The following STK17A variants were observed in gnomAD, a reference collection of about 807,000 sequenced individuals.
STK17A encodes serine/threonine-protein kinase 17A.
STK17A carries 26 observed loss-of-function variants against 43.7 expected under a neutral mutation model. The ratio of observed to expected loss-of-function variants is 0.60; its 90% CI spans 0.44 to 0.83. The LOEUF is 0.83. Among genes scored for constraint, STK17A ranks in the 40% least tolerant of loss-of-function variants. The probability of loss-of-function intolerance (pLI) is 0.00; values close to 1 mark genes in which losing one functional copy is unlikely to be tolerated. For synonymous variants in STK17A, 191 were observed against 182.5 expected (o/e 1.05, Z -0.38); for missense variants, 476 against 511.6 (o/e 0.93, Z 0.67).
intron 3 of STK17A, among the ~76,000 whole-genome samples, chr7:43,616,180 A>G (rs1197168248): frequency 6.6e-6 from 1 of 152,180 alleles, no homozygotes; most frequent in Non-Finnish European, 1.5e-5. Flanking sequence ...GTAATTTTCC[A>G]GGGCAGAATT....
At chr7:43,619,218 A>G (rs1359674735) in intron 3 of STK17A, among the ~76,000 whole-genome samples, 2 of 152,248 alleles carry the variant, frequency 1.3e-5, no homozygotes, top group Non-Finnish European at 2.9e-5. Context: ...GAAGAGATTT[A>G]GTTGCACTGA....
intron 1 of STK17A, among the ~76,000 whole-genome samples, chr7:43,594,887 A>AAAG (rs1554478541): frequency 6.0e-5 from 9 of 149,892 alleles, no homozygotes; most frequent in Non-Finnish European, 1.0e-4. Flanking sequence ...AAAAAAAAAA[A>AAAG]AAAGAAAGAA....
intron 3 of STK17A, among the ~76,000 whole-genome samples, chr7:43,609,923 C>G (rs1023700412): frequency 1.3e-5 from 2 of 152,192 alleles, no homozygotes; most frequent in Non-Finnish European, 2.9e-5. Flanking sequence ...GTTCTCTGAC[C>G]CAGACATGAA....
intron 4 of STK17A, among the ~76,000 whole-genome samples, chr7:43,622,031 C>T (rs960302600): frequency 2.6e-5 from 4 of 152,072 alleles, no homozygotes; most frequent in Admixed American, 2.0e-4. Context: ...GTAATAGTAC[C>T]GACCTCATAG....
intron 2 of STK17A, among the ~76,000 whole-genome samples, chr7:43,604,992 T>C (rs148688252): frequency 7.4e-4 from 113 of 152,338 alleles, no homozygotes; most frequent in Non-Finnish European, 1.6e-3. Context: ...GGTTTTTCAT[T>C]TGAGATACTG....
At chr7:43,584,174 G>A (rs374842053) in intron 1 of STK17A, among the ~76,000 whole-genome samples, 1 of 152,148 alleles carries the variant, frequency 6.6e-6, no homozygotes, top group Admixed American at 6.5e-5. Context: ...AAAGTTGCAG[G>A]TGCAGGCTGT....
chr7:43,595,956 G>C lies in STK17A; in HGVS notation c.262G>C (p.Ala88Pro), dbSNP rs1482445748. 2 of 1,613,872 alleles carry C rather than the reference G, an allele frequency of 1.2e-6. No homozygotes were observed. The highest frequency in any genetic ancestry group is 1.7e-6 in the Non-Finnish European group (2 of 1,179,902). Reference sequence around the variant, plus strand: ...AAAGAAAGATTCTGGGAAAGAATTTGCTGCAAAGTTCATGAGAAAAAGAAG... The same window carrying C: ...AAAGAAAGATTCTGGGAAAGAATTTCCTGCAAAGTTCATGAGAAAAAGAAG... ...CIKKDSGKEF[A>P]AKFMRKRRKG... The change falls in exon 2 of 7, where the codon GCT becomes CCT. Residue 88 changes from alanine to proline, a missense_variant. Ala to Pro is a conservative substitution (Grantham distance 27, BLOSUM62 -1). Coordinates refer to ENST00000319357, the MANE Select transcript of STK17A (RefSeq NM_004760.3).
At position 43,624,822 on chromosome 7, in the gene STK17A, C is replaced by G. The variant is rs2084323095; in HGVS notation, c.1225C>G (p.Pro409Ala). The G allele has an allele frequency of 1.2e-6, 2 of 1,601,848 alleles. No individual in the cohort carries two copies. The highest frequency in any genetic ancestry group is 4.5e-5 in the East Asian group (2 of 44,702). The change falls in exon 7 of 7, where the codon CCA becomes GCA. Residue 409 changes from proline to alanine, a missense_variant. Pro to Ala is a conservative substitution (Grantham distance 27). Coordinates refer to ENST00000319357, the MANE Select transcript of STK17A (RefSeq NM_004760.3). ...TGAGGAACCTTTGCTACAAGAAATT[C>G]CAGGAGAATTTATCTACTGAGCAAT... The part of the protein sequence containing the change: ...KFEEPLLQEI[P>A]GEFIY
At chr7:43,598,863 A>G (rs1473708860) in intron 2 of STK17A, among the ~76,000 whole-genome samples, 1 of 149,890 alleles carries the variant, frequency 6.7e-6, no homozygotes, top group Non-Finnish European at 1.5e-5. Flanking sequence ...TCCCAGTTCA[A>G]GCAATTCTCC....
intron 3 of STK17A, among the ~76,000 whole-genome samples, chr7:43,613,793 A>G (rs1385023967): frequency 1.3e-5 from 2 of 152,202 alleles, no homozygotes; most frequent in African/African-American, 4.8e-5. Context: ...GCAGTGGGCT[A>G]TGATTGCACC....
chr7:43,619,438 C>CA (rs1183233285), intron 3 of STK17A, among the ~76,000 whole-genome samples, 159 bp from the exon 4 acceptor site: 1 of 152,166 alleles, frequency 6.6e-6, no homozygotes, highest in African/African-American at 2.4e-5. Context: ...CTGCCTTATA[C>CA]ATAGGCAATA....
intron 1 of STK17A, 59 bp downstream of exon 1, chr7:43,583,508 C>A: frequency 8.1e-7 from 1 of 1,231,750 alleles, no homozygotes; most frequent in Non-Finnish European, 1.0e-6. Flanking sequence ...GGGACGTGGG[C>A]GCCGATAAGT....
intron 4 of STK17A, 57 bp from the exon 5 acceptor site, chr7:43,623,515 G>A: frequency 6.7e-7 from 1 of 1,493,360 alleles, no homozygotes; most frequent in East Asian, 2.3e-5. Flanking sequence ...ATCTCTTAGA[G>A]CAAATTAGGA....
At chr7:43,589,774 C>A (rs955516596) in intron 1 of STK17A, among the ~76,000 whole-genome samples, 1 of 151,180 alleles carries the variant, frequency 6.6e-6, no homozygotes, top group African/African-American at 2.4e-5. Context: ...TTCCCAGTCC[C>A]TACGCTGGTA....
At chr7:43,602,365 A>G (rs942407956) in intron 2 of STK17A, among the ~76,000 whole-genome samples, 1 of 152,152 alleles carries the variant, frequency 6.6e-6, no homozygotes, top group Non-Finnish European at 1.5e-5. Flanking sequence ...GTCTGGATTT[A>G]TAGCATTCCT....
chr7:43,605,756 T>A (rs1563147307), intron 2 of STK17A, among the ~76,000 whole-genome samples: 1 of 152,036 alleles, frequency 6.6e-6, no homozygotes. Context: ...CAGCTCATGG[T>A]CCTATACCTG....
Position 43,619,634 on chromosome 7 carries a change from G to C in STK17A, c.602G>C (p.Gly201Ala). 2 of 1,614,044 alleles carry C rather than the reference G, an allele frequency of 1.2e-6. No individual in the cohort carries two copies. Among genetic ancestry groups the C allele is most frequent in the Non-Finnish European group, 1.7e-6 (2 of 1,179,982 alleles). The change falls in exon 4 of 7, where the codon GGT (glycine) becomes GCT (alanine). Residue 201 changes from glycine to alanine, a missense_variant. Gly to Ala is a moderately conservative substitution (Grantham distance 60). Coordinates refer to ENST00000319357, the MANE Select transcript of STK17A (RefSeq NM_004760.3). ...NILLTSESPLGDIKIVDFGLS... is the reference protein window; with the variant it reads ...NILLTSESPLADIKIVDFGLS... ...CTGTTGACAAGTGAATCTCCATTGGGTGACATTAAGATTGTTGATTTTGGC... is the reference window on the plus strand; with the variant it reads ...CTGTTGACAAGTGAATCTCCATTGGCTGACATTAAGATTGTTGATTTTGGC...
At chr7:43,606,027 T>TC (rs1419057289) in intron 2 of STK17A, among the ~76,000 whole-genome samples, 5 of 151,458 alleles carry the variant, frequency 3.3e-5, no homozygotes, top group Non-Finnish European at 5.9e-5. Context: ...ATTTTTTTTT[T>TC]CTACTTCCTT....
chr7:43,596,933 A>C (rs778447859), intron 2 of STK17A, among the ~76,000 whole-genome samples: 36 of 152,026 alleles, frequency 2.4e-4, no homozygotes, highest in Non-Finnish European at 4.7e-4. Flanking sequence ...AGGCCAAGGC[A>C]GGAAGGATTA....
Sources: allele counts gnomAD v4.1 joint callset (sites outside exome capture counted in the v4.1 genomes callset), GRCh38; gene constraint gnomAD v4.1.1; transcripts MANE v1.5; gene names NCBI Gene and HGNC (gene_info 2026-07-23, HGNC 2026-07-21).